The following FBXL13 variants were observed in gnomAD, a reference collection of about 807,000 sequenced individuals.
FBXL13 encodes F-box and leucine-rich repeat protein 13.
In FBXL13, 67 loss-of-function variants were observed where a neutral mutation model predicts 83.6. That is an observed-to-expected ratio of 0.80 (90% confidence interval 0.66 to 0.98). The LOEUF is 0.98. Among genes scored for constraint, FBXL13 ranks in the 50% least tolerant of loss-of-function variants. FBXL13 has a pLI of 0.00. For synonymous variants in FBXL13, 272 were observed against 299.5 expected, an observed-to-expected ratio of 0.91 and a Z score of 0.95; for missense variants, 822 against 866.5, an observed-to-expected ratio of 0.95 and a Z score of 0.64.
chr7:102,963,761 A>G, intron 7 of FBXL13, 96 bp from the exon 9 acceptor site: 1 of 1,214,900 alleles, frequency 8.2e-7, no homozygotes, highest in Non-Finnish European at 1.1e-6. Flanking sequence ...TAATTAAACT[A>G]AAGAGCTTCT....
At chr7:103,072,522 T>C (rs1315454174) in intron 1 of FBXL13, among the ~76,000 whole-genome samples, 2 of 152,180 alleles carry the variant, frequency 1.3e-5, no homozygotes, top group East Asian at 1.9e-4. Context: ...TGCAGCTTTG[T>C]GATGTTATAG....
At chr7:102,816,733 C>T (rs1009932196) in intron 19 of FBXL13, among the ~76,000 whole-genome samples, 1 of 152,146 alleles carries the variant, frequency 6.6e-6, no homozygotes, top group Non-Finnish European at 1.5e-5. Context: ...AACATAATGC[C>T]CAGTAGGTAC....
At chr7:102,969,902 G>T (rs1826430149) in intron 6 of FBXL13, among the ~76,000 whole-genome samples, 1 of 151,856 alleles carries the variant, frequency 6.6e-6, no homozygotes, top group Admixed American at 6.6e-5. Context: ...GAAAAGAAAA[G>T]AAAAGAAATC....
chr7:102,857,123 A>G (rs1806152658), intron 16 of FBXL13, among the ~76,000 whole-genome samples: 1 of 151,244 alleles, frequency 6.6e-6, no homozygotes, highest in African/African-American at 2.5e-5. Flanking sequence ...ACCTGAAACG[A>G]TAGAGCTATT....
Position 102,934,647 on chromosome 7 carries a change from A to G in FBXL13, c.725-2714T>C, listed in dbSNP as rs1266225701. ...GTGGACTCAACTTTTTGCCACAATT[A>G]TGTGTTTCCCATACAAACACTGGAC... is the stretch of plus-strand genomic sequence containing the variant. On this transcript the variant is annotated intron_variant, in intron 8 of 19. Transcript: ENST00000313221. 7.5e-6 allele frequency: 12 copies of G among 1,605,394 alleles called. No homozygotes were observed. In the East Asian group the frequency reaches 2.0e-4, roughly 27 times the overall value.
chr7:103,012,350 G>A (rs1192440810), intron 6 of FBXL13, among the ~76,000 whole-genome samples: 1 of 150,950 alleles, frequency 6.6e-6, no homozygotes, highest in Non-Finnish European at 1.5e-5. Flanking sequence ...ACTCCAGCCT[G>A]GGTGACAGAG....
chr7:102,927,255 A>G (rs1465828067), intron 9 of FBXL13, among the ~76,000 whole-genome samples: 1 of 152,210 alleles, frequency 6.6e-6, no homozygotes, highest in African/African-American at 2.4e-5. Context: ...AGGAACATCA[A>G]CAGGGCAGCC....
intron 11 of FBXL13, among the ~76,000 whole-genome samples, chr7:102,903,939 C>CTTTTTTTT (rs1166655004): frequency 2.5e-4 from 11 of 43,460 alleles, no homozygotes; most frequent in Non-Finnish European, 4.2e-4. Context: ...CTTTTCTTTT[C>CTTTTTTTT]TTTTTTTTTT....
intron 14 of FBXL13, among the ~76,000 whole-genome samples, chr7:102,880,228 G>C (rs1039561580): frequency 1.3e-5 from 2 of 152,154 alleles, no homozygotes; most frequent in Non-Finnish European, 2.9e-5. Flanking sequence ...ATGTGTGTTT[G>C]AGAAAAACAA....
intron 2 of FBXL13, among the ~76,000 whole-genome samples, chr7:103,034,107 G>T (rs1407107225): frequency 6.6e-6 from 1 of 152,232 alleles, no homozygotes; most frequent in Non-Finnish European, 1.5e-5. Context: ...GCTGATTGGT[G>T]TATTTACAAT....
At chr7:102,992,449 T>C (rs1221037519) in intron 6 of FBXL13, among the ~76,000 whole-genome samples, 1 of 152,192 alleles carries the variant, frequency 6.6e-6, no homozygotes, top group Non-Finnish European at 1.5e-5. Context: ...CCAGGGCACA[T>C]TCTCCCCATT....
At chr7:102,822,931 AC>A (rs1050512980) in intron 18 of FBXL13, among the ~76,000 whole-genome samples, 14 of 152,092 alleles carry the variant, frequency 9.2e-5, no homozygotes, top group African/African-American at 3.4e-4. Flanking sequence ...GCATGGTGGC[AC>A]GTGCCTGTAG....
chr7:102,835,364 A>T lies in FBXL13; in HGVS notation c.1720-2390T>A, dbSNP rs916319953. Among the ~76,000 whole-genome samples the T allele has an allele frequency of 7.9e-5, 12 of 152,308 alleles. No homozygotes were observed. In the South Asian group the frequency reaches 1.2e-3, roughly 16 times the overall value. ...AGGTACAGAAAGGAATCTACCTTTG[A>T]ATTATTGGAATCAGTGGCCTGGAAT... On this transcript the variant is annotated intron_variant, in intron 17 of 19. Transcript: ENST00000313221.
At chr7:102,928,686 GT>G (rs1182833061) in intron 9 of FBXL13, among the ~76,000 whole-genome samples, 1 of 152,200 alleles carries the variant, frequency 6.6e-6, no homozygotes, top group African/African-American at 2.4e-5. Flanking sequence ...AAAATGATTA[GT>G]TTTTTAATTC....
In FBXL13 at chr7:102,987,454, GA is replaced by G. The variant is rs925470549; in HGVS notation, c.496-19338del. ...CATCATTTATTTCATTAGCAAAACA[GA>G]AAAAAAAAACATACCTCACAAAGAT... On this transcript the variant is annotated intron_variant, in intron 6 of 19. Coordinates refer to ENST00000313221, the Ensembl canonical transcript of FBXL13. 5.9e-3 allele frequency among the ~76,000 whole-genome samples: 867 copies of G among 147,580 alleles called. 10 individuals are homozygous for G. The highest frequency in any genetic ancestry group is 0.02 in the African/African-American group (816 of 40,242).
intron 19 of FBXL13, among the ~76,000 whole-genome samples, chr7:102,816,019 A>G (rs1210910672): frequency 1.3e-5 from 2 of 152,208 alleles, no homozygotes; most frequent in Non-Finnish European, 2.9e-5. Flanking sequence ...AATGAGCTGC[A>G]TGTTGAACCC....
intron 6 of FBXL13, among the ~76,000 whole-genome samples, chr7:102,970,849 G>A (rs901688272): frequency 6.6e-6 from 1 of 152,134 alleles, no homozygotes; most frequent in African/African-American, 2.4e-5. Flanking sequence ...CAGCTAAGAA[G>A]AGAATCAACA....
chr7:102,911,494 A>G, intron 11 of FBXL13, among the ~76,000 whole-genome samples: 1 of 152,128 alleles, frequency 6.6e-6, no homozygotes, highest in East Asian at 1.9e-4. Flanking sequence ...TGATTGGGCC[A>G]TTGGCATTTG....
Position 102,823,347 on chromosome 7 carries a change from A to G in FBXL13, c.1855-1144T>C, listed in dbSNP as rs1234673036. On this transcript the variant is annotated intron_variant, in intron 18 of 19. Coordinates refer to ENST00000313221, the Ensembl canonical transcript of FBXL13. ...AATCTGCAGACAGCCTCATATTACT[A>G]TGAGAAGGGACCTGGACATCACTGA... Among the ~76,000 whole-genome samples the G allele has an allele frequency of 3.9e-5, 6 of 152,342 alleles. No homozygotes were observed. In the East Asian group the frequency reaches 9.6e-4, roughly 24 times the overall value.
Sources: allele counts gnomAD v4.1 joint callset (sites outside exome capture counted in the v4.1 genomes callset), GRCh38; gene constraint gnomAD v4.1.1; transcripts MANE v1.5; gene names NCBI Gene and HGNC (gene_info 2026-07-23, HGNC 2026-07-21).